POU6F2: variants seen among roughly 807,000 people sequenced by gnomAD.
POU6F2 encodes the protein POU class 6 homeobox 2.
POU6F2 carries 31 observed loss-of-function variants against 71.3 expected under a neutral mutation model. The observed-to-expected ratio is 0.43, with a 90% CI of 0.33 to 0.59. The LOEUF (loss-of-function observed/expected upper bound fraction) is 0.59, where lower values mean the gene tolerates loss of function less well. POU6F2 is among the 20% of genes least tolerant of loss of function. POU6F2 has a pLI of 0.04. For synonymous variants in POU6F2, 347 were observed against 355.7 expected, an observed-to-expected ratio of 0.98 and a Z score of 0.27; for missense variants, 783 against 856.8, an observed-to-expected ratio of 0.91 and a Z score of 1.07.
intron 4 of POU6F2, among the ~76,000 whole-genome samples, chr7:39,245,367 C>T (rs938762099): frequency 6.6e-6 from 1 of 152,120 alleles, no homozygotes; most frequent in African/African-American, 2.4e-5. Flanking sequence ...GATTATCTAC[C>T]TTTCACTTTT....
chr7:39,321,776 G>T (rs184928413), intron 4 of POU6F2, among the ~76,000 whole-genome samples: 117 of 152,014 alleles, frequency 7.7e-4, no homozygotes, highest in African/African-American at 2.7e-3. Context: ...AAGATGCATT[G>T]GAAGGAAGGG....
chr7:39,464,996 G>T lies in POU6F2; in HGVS notation c.*310G>T. The T allele has an allele frequency of 3.3e-6, 1 of 302,284 alleles. No homozygotes were observed. Among genetic ancestry groups the T allele is most frequent in the Middle Eastern group, 9.9e-4 (1 of 1,014 alleles). 18.7% of individuals were successfully genotyped at this position (302,284 alleles called of 1,614,324 possible). ...TCTCCCCCAAAGCCAGTTTTTTAAT[G>T]GACTTAAAGCAAACCAAATAACCAC... On this transcript the variant is annotated 3_prime_UTR_variant, in exon 10 of 10. Coordinates refer to ENST00000518318, the MANE Select transcript of POU6F2 (RefSeq NM_001370959.1). The surrounding 1 kb of genome is among the most constrained non-coding windows in gnomAD (Gnocchi z 4.1).
At chr7:39,175,438 T>A (rs1400220102) in intron 2 of POU6F2, among the ~76,000 whole-genome samples, 1 of 152,166 alleles carries the variant, frequency 6.6e-6, no homozygotes, top group Non-Finnish European at 1.5e-5. Context: ...ACAATAGGCA[T>A]AGACAGATAC....
At chr7:39,204,150 C>T (rs1471680437) in intron 2 of POU6F2, 85 bp from the exon 3 acceptor site, 16 of 1,140,216 alleles carry the variant, frequency 1.4e-5, no homozygotes, top group Admixed American at 1.9e-5. Context: ...ACCACTCTGT[C>T]ATATCATCTA....
At chr7:39,126,559 T>G (rs1310467309) in intron 2 of POU6F2, among the ~76,000 whole-genome samples, 1 of 152,186 alleles carries the variant, frequency 6.6e-6, no homozygotes, top group Non-Finnish European at 1.5e-5. Flanking sequence ...CAGCAAAATT[T>G]GTAGATTTCT....
chr7:39,055,383 T>C lies in POU6F2; in HGVS notation c.106-30477T>C, dbSNP rs114712475. The stretch of plus-strand genomic sequence containing the variant: ...AATTTAAGATAGCTCATCATTGTAT[T>C]CCAGCAATCCACTAGATTAAGAACA... On this transcript the variant is annotated intron_variant, in intron 1 of 9. Transcript: ENST00000518318. Among the ~76,000 whole-genome samples the C allele has an allele frequency of 8.2e-4, 125 of 152,288 alleles. 2 individuals are homozygous for C. The highest frequency in any genetic ancestry group is 2.9e-3 in the African/African-American group (122 of 41,568).
chr7:39,003,934 C>G (rs1342016305), intron 1 of POU6F2, among the ~76,000 whole-genome samples: 2 of 151,680 alleles, frequency 1.3e-5, no homozygotes, highest in Non-Finnish European at 2.9e-5. Context: ...AAAAAAAGAC[C>G]ATAAAGAAAT....
Position 39,207,602 on chromosome 7 carries a change from C to T in POU6F2, c.580C>T (p.Pro194Ser). 4 of 1,613,770 alleles carry T rather than the reference C, an allele frequency of 2.5e-6. No individual in the cohort carries two copies. Among genetic ancestry groups the T allele is most frequent in the Non-Finnish European group, 3.4e-6 (4 of 1,179,760 alleles). ...TGCAGCCGGAGGCATTATGACTCTGCCACTGCAAAATCTACAAGGTAATCC... is the reference window on the plus strand; with the variant it reads ...TGCAGCCGGAGGCATTATGACTCTGTCACTGCAAAATCTACAAGGTAATCC... ...AAAAGGIMTL[P>S]LQNLQATSSL... The change falls in exon 4 of 10, where the codon CCA becomes TCA. Residue 194 changes from proline (P) to serine (S), a missense_variant. Pro to Ser is a moderately conservative substitution (Grantham distance 74). Around this residue, in one of 2 missense-constraint regions of POU6F2, gnomAD observed 572 missense variants for 572.9 expected, o/e 1.00. Transcript: ENST00000518318.
intron 4 of POU6F2, among the ~76,000 whole-genome samples, chr7:39,298,263 C>T (rs1784888772): frequency 6.6e-6 from 1 of 152,128 alleles, no homozygotes; most frequent in Non-Finnish European, 1.5e-5. Context: ...GCAATCTACC[C>T]ATCTGACAAA....
chr7:39,190,794 T>C (rs1793648111), intron 2 of POU6F2, among the ~76,000 whole-genome samples: 1 of 151,842 alleles, frequency 6.6e-6, no homozygotes, highest in Non-Finnish European at 1.5e-5. Context: ...TGCACCACCA[T>C]GCCTGGTTAA....
In POU6F2 at chr7:39,339,642, C is replaced by T; in HGVS notation, c.599C>T (p.Ala200Val). 6.3e-7 allele frequency: 1 copy of T among 1,583,724 alleles called. No individual in the cohort carries two copies. The highest frequency in any genetic ancestry group is 8.5e-7 in the Non-Finnish European group (1 of 1,171,236). ...IMTLPLQNLQ[A>V]TSSLNSQLQQ... ...CCACATTCGCTTTCTCTCCTTGTAGCTACCTCATCCCTGAACTCCCAGCTC... is the reference window on the plus strand; with the variant it reads ...CCACATTCGCTTTCTCTCCTTGTAGTTACCTCATCCCTGAACTCCCAGCTC... The change falls in exon 5 of 10, where the codon GCT (alanine) becomes GTT (valine). Residue 200 changes from alanine to valine, a missense_variant and splice_region_variant. Physicochemically the swap from Ala to Val is moderately conservative, Grantham distance 64. Coordinates refer to ENST00000518318, the MANE Select transcript of POU6F2 (RefSeq NM_001370959.1).
intron 4 of POU6F2, among the ~76,000 whole-genome samples, chr7:39,208,052 G>A (rs1386588650): frequency 1.3e-5 from 2 of 152,086 alleles, no homozygotes; most frequent in Admixed American, 6.6e-5. Context: ...ATATTATTTG[G>A]AATAATTTAT....
chr7:39,312,439 C>G (rs190179007), intron 4 of POU6F2, among the ~76,000 whole-genome samples: 35 of 152,206 alleles, frequency 2.3e-4, no homozygotes, highest in Admixed American at 2.2e-3. Flanking sequence ...AATAAAGCTT[C>G]GAGAGAAAAC....
chr7:39,328,620 T>G (rs1785570534), intron 4 of POU6F2, among the ~76,000 whole-genome samples: 1 of 152,228 alleles, frequency 6.6e-6, no homozygotes, highest in African/African-American at 2.4e-5. Flanking sequence ...AATGCCCGTT[T>G]TAATTTACAA....
intron 4 of POU6F2, among the ~76,000 whole-genome samples, chr7:39,326,763 A>G (rs1330229566): frequency 6.6e-6 from 1 of 152,268 alleles, no homozygotes; most frequent in Non-Finnish European, 1.5e-5. Flanking sequence ...TTATTCGAGG[A>G]GCAGAATTTT....
intron 4 of POU6F2, among the ~76,000 whole-genome samples, chr7:39,264,650 C>T (rs1784206329): frequency 1.3e-5 from 2 of 152,142 alleles, no homozygotes; most frequent in Non-Finnish European, 2.9e-5. Flanking sequence ...TGGTGCCTAG[C>T]TTAGTATCTG....
At chr7:39,259,473 CTG>C (rs900979370) in intron 4 of POU6F2, among the ~76,000 whole-genome samples, 1 of 152,052 alleles carries the variant, frequency 6.6e-6, no homozygotes, top group African/African-American at 2.4e-5. Context: ...AGTCCAAAGA[CTG>C]TGGGAAGTCA....
At position 39,296,577 on chromosome 7, in the gene POU6F2, C is replaced by T. The variant is rs548292645; in HGVS notation, c.599-43065C>T. 3.9e-5 allele frequency among the ~76,000 whole-genome samples: 6 copies of T among 152,276 alleles called. No individual in the cohort carries two copies. The South Asian group carries it at 1.2e-3, about 32-fold the overall frequency. ...AACACAGCCTCAAGGCCTCCTTCCC[C>T]AGGTCTCCTGACTCCCTCCCACTGC... On this transcript the variant is annotated intron_variant, in intron 4 of 9. Transcript: ENST00000518318.
At chr7:39,401,790 T>C (rs552286008) in intron 5 of POU6F2, among the ~76,000 whole-genome samples, 2 of 152,318 alleles carry the variant, frequency 1.3e-5, no homozygotes, top group African/African-American at 4.8e-5. Flanking sequence ...GGGTTCTAAA[T>C]TGAAAAGTTA....
Sources: gnomAD v4.1 joint callset for allele counts (sites outside exome capture counted in the v4.1 genomes callset) on GRCh38, gnomAD v4.1.1 for gene constraint, gnomAD v4.1.1 regional missense constraint, Gnocchi (gnomAD v3.1) non-coding constraint, MANE v1.5 for transcripts, NCBI Gene and HGNC (gene_info 2026-07-23, HGNC 2026-07-21) for gene names.